Variants in GRM8 observed in about 807,000 individuals in gnomAD.
The protein encoded by GRM8 is glutamate metabotropic receptor 8, also known as metabotropic glutamate receptor 8.
A neutral mutation model predicts 87.2 loss-of-function variants in GRM8; 47 were observed. That is an observed-to-expected ratio of 0.54 (90% confidence interval 0.43 to 0.69). The LOEUF is 0.69. Ranked by LOEUF, GRM8 falls within the 30% of genes least tolerant of loss-of-function variation. The pLI is 0.00. For synonymous variants in GRM8, 396 were observed against 404.5 expected (o/e 0.98, Z 0.25); for missense variants, 1,019 against 1,139.2 (o/e 0.89, Z 1.52).
At chr7:127,201,290 T>C (rs1052737934) in intron 2 of GRM8, among the ~76,000 whole-genome samples, 4 of 152,212 alleles carry the variant, frequency 2.6e-5, no homozygotes, top group African/African-American at 7.2e-5. Flanking sequence ...CTGTAAGTAG[T>C]ATTATTCCCA....
intron 7 of GRM8, among the ~76,000 whole-genome samples, chr7:126,690,937 A>G (rs1056237884): frequency 6.6e-6 from 1 of 152,108 alleles, no homozygotes; most frequent in African/African-American, 2.4e-5. Flanking sequence ...GAGGTAGTGA[A>G]TGCTGATTGG....
intron 7 of GRM8, among the ~76,000 whole-genome samples, chr7:126,694,703 T>C (rs1368614163): frequency 6.6e-6 from 1 of 152,200 alleles, no homozygotes; most frequent in African/African-American, 2.4e-5. Context: ...CTCCTCTGGG[T>C]TCTGCTTAGG....
intron 7 of GRM8, among the ~76,000 whole-genome samples, chr7:126,717,446 C>T (rs1811884398): frequency 6.6e-6 from 1 of 152,104 alleles, no homozygotes. Flanking sequence ...CACCCTCCTT[C>T]ACACCAGGAG....
chr7:126,762,346 T>C (rs1817665081), intron 7 of GRM8, among the ~76,000 whole-genome samples: 1 of 151,914 alleles, frequency 6.6e-6, no homozygotes, highest in Admixed American at 6.6e-5. Flanking sequence ...AATCTTTCCA[T>C]TTAAAAGATG....
At chr7:126,807,871 C>G (rs1792931144) in intron 6 of GRM8, among the ~76,000 whole-genome samples, 1 of 152,038 alleles carries the variant, frequency 6.6e-6, no homozygotes, top group African/African-American at 2.4e-5. Flanking sequence ...TGCCTACAAC[C>G]CATAGATACT....
intron 2 of GRM8, among the ~76,000 whole-genome samples, chr7:127,226,204 C>T (rs1422498021): frequency 6.6e-6 from 1 of 152,136 alleles, no homozygotes; most frequent in Non-Finnish European, 1.5e-5. Context: ...ACCTTTCTTT[C>T]CAACCTCTCA....
chr7:127,249,815 T>G (rs980288038), intron 1 of GRM8, among the ~76,000 whole-genome samples: 66 of 152,330 alleles, frequency 4.3e-4, no homozygotes, highest in Non-Finnish European at 8.1e-4. Flanking sequence ...TTTGTGAGTC[T>G]GGGGATGCCC....
chr7:126,707,543 G>A (rs1054292410), intron 7 of GRM8, among the ~76,000 whole-genome samples: 2 of 152,006 alleles, frequency 1.3e-5, no homozygotes, highest in Non-Finnish European at 2.9e-5. Flanking sequence ...CTAGGTCTAC[G>A]CTAGGCTCTA....
At chr7:126,647,561 T>C (rs1438568267) in intron 7 of GRM8, among the ~76,000 whole-genome samples, 1 of 151,982 alleles carries the variant, frequency 6.6e-6, no homozygotes, top group African/African-American at 2.4e-5. Flanking sequence ...CATCACAAAT[T>C]AAAAAATGCA....
intron 3 of GRM8, among the ~76,000 whole-genome samples, chr7:127,102,316 G>A (rs185347555): frequency 2.0e-5 from 3 of 152,368 alleles, no homozygotes; most frequent in Admixed American, 2.0e-4. Context: ...TAAGCAGGCT[G>A]TGGAGCAACC....
intron 6 of GRM8, 92 bp from the exon 7 acceptor site, chr7:126,770,157 T>A: frequency 1.3e-6 from 1 of 786,922 alleles, no homozygotes; most frequent in East Asian, 2.7e-5. Flanking sequence ...TGAGGAACAC[T>A]TAATGAGACA....
chr7:126,904,988 G>C (rs1228703678), intron 3 of GRM8, among the ~76,000 whole-genome samples: 1 of 152,086 alleles, frequency 6.6e-6, no homozygotes, highest in Non-Finnish European at 1.5e-5. Flanking sequence ...AAGAAGAAGG[G>C]ATCTTTTGAT....
chr7:127,243,056 C>G lies in GRM8; in HGVS notation c.149G>C (p.Gly50Ala), dbSNP rs1381076721. The change falls in exon 2 of 11, where the codon GGT becomes GCT. Residue 50 changes from glycine to alanine, a missense_variant. Transcript: ENST00000339582. ...TCCCTTTGCGTGGACAGGGAAGAGA[C>G]CCCCCAAAATAATGTCCCCATCCAC... ...IRVDGDIILG[G>A]LFPVHAKGER... 1 of 1,613,764 alleles carries G rather than the reference C, an allele frequency of 6.2e-7. No homozygotes were observed. Among genetic ancestry groups the G allele is most frequent in the Non-Finnish European group, 8.5e-7 (1 of 1,179,854 alleles).
intron 7 of GRM8, among the ~76,000 whole-genome samples, chr7:126,728,028 T>A (rs938479548): frequency 6.6e-6 from 1 of 152,096 alleles, no homozygotes; most frequent in Non-Finnish European, 1.5e-5. Context: ...CAAAAGGAAG[T>A]GAGTCATGCA....
At chr7:126,477,583 G>GAA in intron 9 of GRM8, among the ~76,000 whole-genome samples, 1 of 42,998 alleles carries the variant, frequency 2.3e-5, no homozygotes, top group Admixed American at 2.3e-4. Context: ...AAGAAAGAGA[G>GAA]AAAGAAAGAA....
At chr7:126,461,136 C>T (rs1402434490) in intron 9 of GRM8, among the ~76,000 whole-genome samples, 5 of 151,428 alleles carry the variant, frequency 3.3e-5, no homozygotes, top group Admixed American at 3.3e-4. Flanking sequence ...GTCCTTAGGT[C>T]ATTAGCAGTC....
At chr7:126,937,387 T>C (rs1563333439) in intron 3 of GRM8, among the ~76,000 whole-genome samples, 6 of 152,208 alleles carry the variant, frequency 3.9e-5, no homozygotes. Flanking sequence ...TTGCGGGTAT[T>C]ACATTGCCAA....
At chr7:126,751,342 A>G (rs1816391041) in intron 7 of GRM8, among the ~76,000 whole-genome samples, 1 of 152,086 alleles carries the variant, frequency 6.6e-6, no homozygotes, top group Admixed American at 6.6e-5. Flanking sequence ...GCTCTGTATT[A>G]CAATGGAGAG....
intron 2 of GRM8, among the ~76,000 whole-genome samples, chr7:127,118,841 C>T (rs73720667): frequency 0.013 from 1,975 of 152,274 alleles, 34 homozygotes; most frequent in African/African-American, 0.044. Flanking sequence ...CACCTCTGTT[C>T]ACATCTACAA....
Sources: allele counts gnomAD v4.1 joint callset (sites outside exome capture counted in the v4.1 genomes callset), GRCh38; gene constraint gnomAD v4.1.1; transcripts MANE v1.5; gene names NCBI Gene and HGNC (gene_info 2026-07-23, HGNC 2026-07-21).